The following SOX6 variants were observed in gnomAD, a reference collection of about 807,000 sequenced individuals.
The protein encoded by SOX6 is SRY-box transcription factor 6, also known as transcription factor SOX-6.
A neutral mutation model predicts 97.8 loss-of-function variants in SOX6; 11 were observed. The observed-to-expected ratio is 0.11, with a 90% CI of 0.07 to 0.19. The LOEUF (loss-of-function observed/expected upper bound fraction) is 0.19, where lower values mean the gene tolerates loss of function less well. SOX6 is among the 10% of genes least tolerant of loss of function. SOX6 has a pLI of 1.00. For missense variants in SOX6, 810 were observed against 1,039.5 expected (o/e 0.78, Z 3.04); for synonymous variants, 360 against 371.4 (o/e 0.97, Z 0.35).
At chr11:16,118,276 C>A (rs1455095757) in intron 6 of SOX6, among the ~76,000 whole-genome samples, 1 of 152,232 alleles carries the variant, frequency 6.6e-6, no homozygotes, top group Non-Finnish European at 1.5e-5. Flanking sequence ...CTTATACAAT[C>A]CCTAACCAAA....
chr11:16,199,998 T>C (rs1851890324), intron 4 of SOX6, among the ~76,000 whole-genome samples: 2 of 152,218 alleles, frequency 1.3e-5, no homozygotes, highest in Non-Finnish European at 2.9e-5. Flanking sequence ...TATATGTCAA[T>C]ACACTGGTAT....
chr11:16,207,282 T>C (rs1852097191), intron 4 of SOX6, among the ~76,000 whole-genome samples: 1 of 152,118 alleles, frequency 6.6e-6, no homozygotes, highest in Non-Finnish European at 1.5e-5. Flanking sequence ...CTAGGAATAT[T>C]ATGCAGACAG....
At chr11:16,523,179 T>G (rs534064168) in intron 4 of SOX6, among the ~76,000 whole-genome samples, 13 of 80,700 alleles carry the variant, frequency 1.6e-4, no homozygotes, top group African/African-American at 9.3e-4. Flanking sequence ...AGAATATACA[T>G]TTTTTTTCAG....
chr11:16,625,663 G>T (rs1010044389), intron 3 of SOX6, among the ~76,000 whole-genome samples: 3 of 152,138 alleles, frequency 2.0e-5, no homozygotes, highest in Admixed American at 2.0e-4. Context: ...AAGGAATGGG[G>T]GATAGGAATT....
intron 3 of SOX6, among the ~76,000 whole-genome samples, chr11:16,292,066 T>C (rs539316459): frequency 5.9e-5 from 9 of 152,104 alleles, no homozygotes; most frequent in Non-Finnish European, 7.4e-5. Flanking sequence ...CTATACTACT[T>C]ATTAGTATAT....
chr11:16,723,848 T>C (rs921663366), intron 2 of SOX6, among the ~76,000 whole-genome samples: 3 of 152,104 alleles, frequency 2.0e-5, no homozygotes, highest in Non-Finnish European at 4.4e-5. Flanking sequence ...AACTAAGAAA[T>C]GATTGTCGTT....
At chr11:16,105,903 A>T (rs1057040584) in intron 7 of SOX6, among the ~76,000 whole-genome samples, 4 of 152,158 alleles carry the variant, frequency 2.6e-5, no homozygotes, top group African/African-American at 9.7e-5. Flanking sequence ...GTTTCTAAAC[A>T]TCAGCAACGA....
At chr11:16,716,863 A>G (rs1383032588) in intron 2 of SOX6, among the ~76,000 whole-genome samples, 1 of 152,188 alleles carries the variant, frequency 6.6e-6, no homozygotes, top group Admixed American at 6.5e-5. Context: ...AAATTAATTT[A>G]TGATCTTAGA....
intron 1 of SOX6, among the ~76,000 whole-genome samples, chr11:16,365,289 G>A (rs1429969266): frequency 6.7e-6 from 1 of 149,604 alleles, no homozygotes; most frequent in African/African-American, 2.5e-5. Context: ...GAAGTACTGT[G>A]TGTGTGTGTG....
At chr11:16,003,441 C>T (rs145883375) in intron 13 of SOX6, among the ~76,000 whole-genome samples, 133 of 152,142 alleles carry the variant, frequency 8.7e-4, no homozygotes, top group Admixed American at 1.6e-3. Context: ...GCACCCTATG[C>T]GTACCTCCAT....
intron 1 of SOX6, among the ~76,000 whole-genome samples, chr11:16,381,444 G>T (rs1046229339): frequency 1.3e-5 from 2 of 151,952 alleles, no homozygotes; most frequent in African/African-American, 4.8e-5. Context: ...TAAAAGTGTT[G>T]TAATCTATAA....
Position 16,034,177 on chromosome 11 carries a change from C to T in SOX6, c.1623+12337G>A, listed in dbSNP as rs1399469290. On this transcript the variant is annotated intron_variant, in intron 12 of 15. Transcript: ENST00000683767. ...CTTTTCTTAAAAAATTATGTTGACT[C>T]TCAATATGGGAAGATAACAATTCAA... Among the ~76,000 whole-genome samples, 11 of 152,260 alleles carry T rather than the reference C, an allele frequency of 7.2e-5. No individual in the cohort carries two copies. In the East Asian group the frequency reaches 2.1e-3, roughly 29 times the overall value.
chr11:16,237,993 A>G (rs1352077293), intron 3 of SOX6, among the ~76,000 whole-genome samples: 2 of 152,008 alleles, frequency 1.3e-5, no homozygotes, highest in Non-Finnish European at 2.9e-5. Context: ...AACGTAAGTC[A>G]TAATGCTAAA....
chr11:16,398,208 T>C (rs1858419903), intron 1 of SOX6, among the ~76,000 whole-genome samples: 1 of 151,546 alleles, frequency 6.6e-6, no homozygotes, highest in Admixed American at 6.6e-5. Context: ...CAGCTTAAGC[T>C]TACCTAAGAA....
chr11:16,681,650 C>CA (rs1222764008), intron 3 of SOX6, among the ~76,000 whole-genome samples: 3 of 151,928 alleles, frequency 2.0e-5, no homozygotes, highest in Non-Finnish European at 2.9e-5. Context: ...AAAAACCTTT[C>CA]AAAAAAATCA....
chr11:16,055,694 A>C, intron 10 of SOX6, 58 bp downstream of exon 10: 1 of 1,609,712 alleles, frequency 6.2e-7, no homozygotes, highest in Non-Finnish European at 8.5e-7. Context: ...CTGCTTCACT[A>C]TCTTTCTTGT....
chr11:16,704,411 G>A (rs1052787152), intron 3 of SOX6, among the ~76,000 whole-genome samples: 2 of 151,910 alleles, frequency 1.3e-5, no homozygotes, highest in Non-Finnish European at 2.9e-5. Context: ...ACAATAGCAG[G>A]CTCTTATTAA....
At chr11:16,690,108 A>G (rs180829197) in intron 3 of SOX6, among the ~76,000 whole-genome samples, 2 of 152,206 alleles carry the variant, frequency 1.3e-5, no homozygotes, top group African/African-American at 4.8e-5. Flanking sequence ...TATTTTTAGT[A>G]TAGGTGGAGT....
chr11:15,985,849 G>T (rs1853816392), intron 15 of SOX6, among the ~76,000 whole-genome samples: 1 of 152,158 alleles, frequency 6.6e-6, no homozygotes, highest in Non-Finnish European at 1.5e-5. Flanking sequence ...AGAGAAGCTG[G>T]AAAGCTTATG....
Sources: allele counts gnomAD v4.1 joint callset (sites outside exome capture counted in the v4.1 genomes callset), GRCh38; gene constraint gnomAD v4.1.1; transcripts MANE v1.5; gene names NCBI Gene and HGNC (gene_info 2026-07-23, HGNC 2026-07-21).